FAM83B: variants seen among roughly 807,000 people sequenced by gnomAD.
The protein encoded by FAM83B is protein FAM83B.
Under a neutral mutation model 38.8 loss-of-function variants are expected in FAM83B, and 26 were observed. The observed-to-expected ratio is 0.67, with a 90% confidence interval of 0.49 to 0.93. The LOEUF (loss-of-function observed/expected upper bound fraction) is 0.93, where lower values mean the gene tolerates loss of function less well. Ranked by LOEUF, FAM83B falls within the 40% of genes least tolerant of loss-of-function variation. FAM83B has a pLI of 0.00. For missense variants in FAM83B, 1,237 were observed against 1,197.3 expected, an observed-to-expected ratio of 1.03 and a Z score of -0.49; for synonymous variants, 419 against 423.1, an observed-to-expected ratio of 0.99 and a Z score of 0.12.
intron 2 of FAM83B, among the ~76,000 whole-genome samples, chr6:54,902,314 G>A (rs763363219): frequency 5.9e-5 from 9 of 152,020 alleles, no homozygotes; most frequent in African/African-American, 9.7e-5. Flanking sequence ...TCAGCCTCCC[G>A]AGTAGCTGGG....
intron 1 of FAM83B, among the ~76,000 whole-genome samples, chr6:54,860,706 C>T (rs1440233048): frequency 6.6e-6 from 1 of 152,078 alleles, no homozygotes; most frequent in East Asian, 1.9e-4. Context: ...CAGTAAATAG[C>T]CCTGTAACAA....
At chr6:54,914,030 TA>T (rs1772979534) in intron 2 of FAM83B, among the ~76,000 whole-genome samples, 1 of 152,190 alleles carries the variant, frequency 6.6e-6, no homozygotes, top group Admixed American at 6.5e-5. Context: ...AATGTCATTT[TA>T]CAGTTGTTTT....
At chr6:54,883,416 C>T (rs1414937211) in intron 2 of FAM83B, among the ~76,000 whole-genome samples, 1 of 148,406 alleles carries the variant, frequency 6.7e-6, no homozygotes, top group Non-Finnish European at 1.5e-5. Flanking sequence ...CTCAACGCAA[C>T]CTCCGCCTCC....
intron 2 of FAM83B, among the ~76,000 whole-genome samples, chr6:54,882,884 G>A (rs1034158268): frequency 2.6e-5 from 4 of 152,104 alleles, no homozygotes; most frequent in Non-Finnish European, 5.9e-5. Context: ...AGCTTTGTTT[G>A]ATTCCCTTAC....
At chr6:54,856,496 C>T (rs963123958) in intron 1 of FAM83B, among the ~76,000 whole-genome samples, 1 of 152,158 alleles carries the variant, frequency 6.6e-6, no homozygotes, top group Non-Finnish European at 1.5e-5. Flanking sequence ...GCTGAGAAAC[C>T]AAGTGACTGT....
At chr6:54,936,048 A>G (rs1274089853) in intron 4 of FAM83B, among the ~76,000 whole-genome samples, 6 of 152,128 alleles carry the variant, frequency 3.9e-5, no homozygotes, top group African/African-American at 1.2e-4. Context: ...GGAAGAGGTC[A>G]GCACTGGCAA....
Position 54,945,005 on chromosome 6 carries a change from T to G in FAM83B, c.*2998T>G, listed in dbSNP as rs1044811524. On this transcript the variant is annotated 3_prime_UTR_variant, in exon 5 of 5. Coordinates refer to ENST00000306858, the MANE Select transcript of FAM83B (RefSeq NM_001010872.3). ...CAGGTTCCTGAGTAGCTCAACATTTTATGTATGTACGATATTATAAAGAAA... is the reference window on the plus strand; with the variant it reads ...CAGGTTCCTGAGTAGCTCAACATTTGATGTATGTACGATATTATAAAGAAA... 2.0e-5 allele frequency: 3 copies of G among 152,184 alleles called. No individual in the cohort carries two copies. Among genetic ancestry groups the G allele is most frequent in the African/African-American group, 4.8e-5 (2 of 41,452 alleles). The allele number at this position is 152,184 out of a possible 1,614,324, so 9.4% of individuals were successfully genotyped here.
chr6:54,896,544 AAGGGTT>A (rs1772539904), intron 2 of FAM83B, among the ~76,000 whole-genome samples: 1 of 152,198 alleles, frequency 6.6e-6, no homozygotes, highest in Non-Finnish European at 1.5e-5. Context: ...TAAGAGAAGG[AAGGGTT>A]AGCTTGACGT....
At chr6:54,885,222 T>C (rs1043434761) in intron 2 of FAM83B, among the ~76,000 whole-genome samples, 7 of 152,132 alleles carry the variant, frequency 4.6e-5, no homozygotes, top group Non-Finnish European at 1.0e-4. Context: ...ACAGTGTGAG[T>C]AGAGTTGAAC....
chr6:54,865,821 A>G (rs1319989743), intron 1 of FAM83B, among the ~76,000 whole-genome samples: 2 of 152,128 alleles, frequency 1.3e-5, no homozygotes, highest in Non-Finnish European at 2.9e-5. Context: ...GTTGTTTTAT[A>G]CTGCAGATGA....
chr6:54,901,418 A>AGGAT (rs1187313799), intron 2 of FAM83B, among the ~76,000 whole-genome samples: 3 of 140,550 alleles, frequency 2.1e-5, no homozygotes, highest in Admixed American at 2.1e-4. Flanking sequence ...AGCCTGTTAC[A>AGGAT]AGATAGTTTT....
At chr6:54,871,057 A>C (rs1394506245) in intron 2 of FAM83B, among the ~76,000 whole-genome samples, 2 of 152,128 alleles carry the variant, frequency 1.3e-5, no homozygotes, top group East Asian at 3.9e-4. Flanking sequence ...GATATGGTGA[A>C]GTTTTCTTTG....
chr6:54,866,097 G>A (rs1581887105), intron 1 of FAM83B, among the ~76,000 whole-genome samples: 1 of 151,712 alleles, frequency 6.6e-6, no homozygotes, highest in Admixed American at 6.6e-5. Flanking sequence ...ACTGAGGCTT[G>A]TGGACGTGTG....
chr6:54,846,735 T>C (rs1771143495), upstream of FAM83B: 1 of 152,202 alleles, frequency 6.6e-6, no homozygotes, highest in Non-Finnish European at 1.5e-5. Context: ...CTCCCCTCCC[T>C]GCCCGCGCCC....
chr6:54,940,634 GA>G lies in FAM83B; in HGVS notation c.1665del (p.Val556LeufsTer35). On this transcript the variant is annotated frameshift_variant, in exon 5 of 5. Coordinates refer to ENST00000306858, the MANE Select transcript of FAM83B (RefSeq NM_001010872.3). LOFTEE classifies it low-confidence loss of function (END_TRUNC). ...VFKPTLPEQKEVNSCTTGSSN... is the reference protein window; with the variant it reads ...VFKPTLPEQKXVNSCTTGSSN... ...TAAACCCACTTTACCTGAGCAAAAG[GA>G]AGTTAACAGTTGTACAACTGGCTCC... is the stretch of plus-strand genomic sequence containing the variant. 1.2e-6 allele frequency: 2 copies of G among 1,613,972 alleles called. No homozygotes were observed. Among genetic ancestry groups the G allele is most frequent in the Non-Finnish European group, 1.7e-6 (2 of 1,179,994 alleles).
intron 2 of FAM83B, among the ~76,000 whole-genome samples, chr6:54,910,241 G>A (rs1337619559): frequency 6.6e-6 from 1 of 152,024 alleles, no homozygotes; most frequent in Admixed American, 6.6e-5. Flanking sequence ...GTCTGTAATT[G>A]ACAACACCAA....
chr6:54,868,633 T>C (rs1403243631), intron 1 of FAM83B, among the ~76,000 whole-genome samples: 3 of 152,148 alleles, frequency 2.0e-5, no homozygotes, highest in East Asian at 1.9e-4. Flanking sequence ...CATTATACTA[T>C]AGGGCAGGAA....
At chr6:54,851,745 T>C (rs1423544306) in intron 1 of FAM83B, among the ~76,000 whole-genome samples, 1 of 144,282 alleles carries the variant, frequency 6.9e-6, no homozygotes, top group African/African-American at 2.7e-5. Context: ...CCTCCCGGGT[T>C]CATGCCATTC....
rs548443948 is a variant in FAM83B at position 54,902,421 on chromosome 6, C to T, written c.445-23950C>T. Among the ~76,000 whole-genome samples the T allele has an allele frequency of 9.2e-5, 14 of 152,192 alleles. No homozygotes were observed. In the South Asian group the frequency reaches 2.7e-3, roughly 29 times the overall value. The stretch of plus-strand genomic sequence containing the variant: ...TCTACAGGTAGAGATTCCTTAGGTC[C>T]AATATCTACTATATCGAATTTCTTC... On this transcript the variant is annotated intron_variant, in intron 2 of 4. Transcript: ENST00000306858.
Sources: gnomAD v4.1 joint callset for allele counts (sites outside exome capture counted in the v4.1 genomes callset) on GRCh38, gnomAD v4.1.1 for gene constraint, MANE v1.5 for transcripts, NCBI Gene and HGNC (gene_info 2026-07-23, HGNC 2026-07-21) for gene names.